The following KIFAP3 variants were observed in gnomAD, a reference collection of about 807,000 sequenced individuals.
The protein encoded by KIFAP3 is kinesin-associated protein 3.
A neutral mutation model predicts 106.5 loss-of-function variants in KIFAP3; 68 were observed. The observed-to-expected ratio is 0.64, with a 90% CI of 0.53 to 0.78. KIFAP3 has a LOEUF of 0.78. Among genes scored for constraint, KIFAP3 ranks in the 30% least tolerant of loss-of-function variants. KIFAP3 has a pLI of 0.00. For synonymous variants in KIFAP3, 320 were observed against 311.5 expected (o/e 1.03, Z -0.29); for missense variants, 780 against 941.8 (o/e 0.83, Z 2.25).
At chr1:170,076,327 A>C (rs1671910198), upstream of KIFAP3, among the ~76,000 whole-genome samples, 2 of 152,196 alleles carry the variant, frequency 1.3e-5, no homozygotes, top group Non-Finnish European at 2.9e-5. Context: ...GAACTAGATA[A>C]ACTGTCTGTC....
intron 4 of KIFAP3, 129 bp from the exon 5 acceptor site, chr1:170,038,560 C>T (rs1000138859): frequency 1.2e-5 from 11 of 904,270 alleles, no homozygotes; most frequent in Non-Finnish European, 1.8e-5. Flanking sequence ...TCATAGTAGC[C>T]ATCTTTTTGG....
At chr1:169,978,286 A>T in intron 15 of KIFAP3, 103 bp from the exon 16 acceptor site, 1 of 697,486 alleles carries the variant, frequency 1.4e-6, no homozygotes, top group East Asian at 2.8e-5. Context: ...AAAAGTGATA[A>T]GGAGACAAGC....
At position 170,021,904 on chromosome 1, in the gene KIFAP3, C is replaced by T. The variant is rs191819095; in HGVS notation, c.1020+2514G>A. On this transcript the variant is annotated intron_variant, in intron 9 of 19. Transcript: ENST00000361580. Reference sequence around the variant, plus strand: ...GAGCTAAATTTAGTAATTGCCTCAACATGCAATGCCTTCAGGTCTATTTCT... The same window carrying T: ...GAGCTAAATTTAGTAATTGCCTCAATATGCAATGCCTTCAGGTCTATTTCT... 3.0e-4 allele frequency among the ~76,000 whole-genome samples: 45 copies of T among 148,182 alleles called. No homozygotes were observed. The East Asian group carries it at 9.1e-3, about 30-fold the overall frequency.
intron 11 of KIFAP3, among the ~76,000 whole-genome samples, chr1:169,990,878 C>T (rs1667060278): frequency 6.6e-6 from 1 of 152,024 alleles, no homozygotes; most frequent in Admixed American, 6.6e-5. Flanking sequence ...TTTGATGAAA[C>T]ATTTTCCCAT....
chr1:169,938,667 TAG>T (rs1476033631), intron 19 of KIFAP3, among the ~76,000 whole-genome samples: 1 of 152,096 alleles, frequency 6.6e-6, no homozygotes, highest in Admixed American at 6.6e-5. Context: ...CTTGCCCATC[TAG>T]AGACTGTATT....
At chr1:170,004,372 G>A (rs1169641159) in intron 10 of KIFAP3, among the ~76,000 whole-genome samples, 2 of 152,022 alleles carry the variant, frequency 1.3e-5, no homozygotes, top group Admixed American at 6.6e-5. Context: ...AGTTCATATG[G>A]AGCCAAAAAA....
intron 11 of KIFAP3, among the ~76,000 whole-genome samples, chr1:169,986,551 ATAATCT>A (rs1428134173): frequency 2.6e-5 from 4 of 152,032 alleles, no homozygotes; most frequent in Non-Finnish European, 5.9e-5. Flanking sequence ...CAAAAGTAAA[ATAATCT>A]TAATTTACTG....
rs10690029 is a variant in KIFAP3 at position 169,928,699 on chromosome 1, C to CAAAAAA, written c.2274-6924_2274-6919dup. Among the ~76,000 whole-genome samples, 69 of 37,744 alleles carry CAAAAAA rather than the reference C, an allele frequency of 1.8e-3. 12 individuals are homozygous for CAAAAAA. The highest frequency in any genetic ancestry group is 2.7e-3 in the East Asian group (3 of 1,096). 24.8% of individuals were successfully genotyped at this position (37,744 alleles called of 152,430 possible). A position where few individuals can be genotyped will look rare whatever the true frequency, so the allele number is the denominator to read the frequency against. ...AACAGAGTGAGTGAGACCCTGTCTC[C>CAAAAAA]AAAAAAAAAAAAAAAAAAAAAATTA... On this transcript the variant is annotated intron_variant, in intron 19 of 19. Coordinates refer to ENST00000361580, the MANE Select transcript of KIFAP3 (RefSeq NM_014970.4).
chr1:169,971,274 TAAG>T (rs1665906024), intron 17 of KIFAP3, among the ~76,000 whole-genome samples: 1 of 152,008 alleles, frequency 6.6e-6, no homozygotes, highest in South Asian at 2.1e-4. Flanking sequence ...TACAGAACTA[TAAG>T]AAGTTTTTTG....
upstream of KIFAP3, among the ~76,000 whole-genome samples, chr1:170,079,346 G>A (rs1401870633): frequency 6.6e-6 from 1 of 152,100 alleles, no homozygotes; most frequent in East Asian, 1.9e-4. Context: ...CCTACTTCTT[G>A]TACAGCCTGA....
At chr1:170,021,173 T>C (rs900687909) in intron 9 of KIFAP3, among the ~76,000 whole-genome samples, 6 of 152,132 alleles carry the variant, frequency 3.9e-5, no homozygotes, top group Admixed American at 3.9e-4. Flanking sequence ...CTCTCTGTTG[T>C]TCCTCTAAAA....
In KIFAP3 at chr1:169,979,407, C is replaced by A. The variant is rs1666391478; in HGVS notation, c.1799-1224G>T. Among the ~76,000 whole-genome samples, 4 of 151,716 alleles carry A rather than the reference C, an allele frequency of 2.6e-5. No individual in the cohort carries two copies. In the South Asian group the frequency reaches 8.3e-4, roughly 32 times the overall value. On this transcript the variant is annotated intron_variant, in intron 15 of 19. Coordinates refer to ENST00000361580, the MANE Select transcript of KIFAP3 (RefSeq NM_014970.4). ...AATATGGGGCATTATCTCTAGATGA[C>A]CTATTAAAATGAATTATATTAAGGA...
chr1:169,973,673 A>AATGAG (rs1666064390), intron 16 of KIFAP3, among the ~76,000 whole-genome samples: 1 of 151,902 alleles, frequency 6.6e-6, no homozygotes, highest in Admixed American at 6.6e-5. Context: ...TTGGCAGTCC[A>AATGAG]AGGGAAAGCG....
rs1039322316 is a variant in KIFAP3 at position 170,041,929 on chromosome 1, C to T, written c.320-2641G>A. ...TGGGGGAAGTACTCCTGGGCGATTT[C>T]GTTTCAGTTATGAAACCTGGTTTTA... On this transcript the variant is annotated intron_variant, in intron 3 of 19. Transcript: ENST00000361580. The T allele has an allele frequency of 4.2e-5, 51 of 1,212,996 alleles. 1 individual carries two copies. Among genetic ancestry groups the T allele is most frequent in the African/African-American group, 1.2e-4 (8 of 66,004 alleles). The allele number at this position is 1,212,996 out of a possible 1,614,324, so 75.1% of individuals were successfully genotyped here. A position where few individuals can be genotyped will look rare whatever the true frequency, so the allele number is the denominator to read the frequency against.
chr1:169,979,131 C>T (rs541636114), intron 15 of KIFAP3, among the ~76,000 whole-genome samples: 2 of 152,228 alleles, frequency 1.3e-5, no homozygotes, highest in South Asian at 4.2e-4. Context: ...TGTCAGATCA[C>T]TTTATGAATA....
intron 8 of KIFAP3, among the ~76,000 whole-genome samples, chr1:170,030,425 T>G (rs961190771): frequency 6.6e-6 from 1 of 151,834 alleles, no homozygotes; most frequent in African/African-American, 2.4e-5. Flanking sequence ...GGCAGTTTCT[T>G]ACAAAGTTAA....
At chr1:170,039,825 G>C (rs568400908) in intron 3 of KIFAP3, among the ~76,000 whole-genome samples, 2 of 152,184 alleles carry the variant, frequency 1.3e-5, no homozygotes, top group Non-Finnish European at 2.9e-5. Flanking sequence ...TTTATTACGT[G>C]TGTTAATTAA....
At chr1:170,038,752 A>G (rs1202295111) in intron 4 of KIFAP3, among the ~76,000 whole-genome samples, 2 of 152,230 alleles carry the variant, frequency 1.3e-5, no homozygotes, top group Non-Finnish European at 2.9e-5. Flanking sequence ...AAGAATATGT[A>G]AACATTTTTA....
chr1:170,058,242 T>C lies in KIFAP3; in HGVS notation c.33-2806A>G, dbSNP rs1002666317. ...ATGCAGTCCTTAACTTTTCATTAAA[T>C]AAGAACTTTTAAAAAATTATTCTTT... On this transcript the variant is annotated intron_variant, in intron 1 of 19. Transcript: ENST00000361580. Among the ~76,000 whole-genome samples, 3 of 152,194 alleles carry C rather than the reference T, an allele frequency of 2.0e-5. No homozygotes were observed. The East Asian group carries it at 5.8e-4, about 29-fold the overall frequency.
Sources: gnomAD v4.1 joint callset for allele counts (sites outside exome capture counted in the v4.1 genomes callset) on GRCh38, gnomAD v4.1.1 for gene constraint, MANE v1.5 for transcripts, NCBI Gene and HGNC (gene_info 2026-07-23, HGNC 2026-07-21) for gene names.